Variants in ZC3H12B observed in about 807,000 individuals in gnomAD.
The protein encoded by ZC3H12B is zinc finger CCCH-type containing 12B, also known as probable ribonuclease ZC3H12B.
Under a neutral mutation model 43.9 loss-of-function variants are expected in ZC3H12B, and 7 were observed. The observed-to-expected ratio is 0.16, with a 90% CI of 0.09 to 0.30. The LOEUF is 0.30. Among genes scored for constraint, ZC3H12B ranks in the 10% least tolerant of loss-of-function variants. The pLI, the probability that ZC3H12B is intolerant of heterozygous loss-of-function variation, is 1.00. For synonymous variants in ZC3H12B, 222 were observed against 241.7 expected, an observed-to-expected ratio of 0.92 and a Z score of 0.76; for missense variants, 475 against 670.2, an observed-to-expected ratio of 0.71 and a Z score of 3.22.
At chrX:65,082,062 G>A in the ZC3H12B span, among the ~76,000 whole-genome samples, 1 of 111,893 alleles carries the variant, frequency 8.9e-6, no homozygotes, top group African/African-American at 3.2e-5. Flanking sequence ...ATTGAAAAAT[G>A]TCTTAAAACA....
At chrX:65,309,831 A>G in the ZC3H12B span, among the ~76,000 whole-genome samples, 3 of 112,259 alleles carry the variant, frequency 2.7e-5, no homozygotes, top group South Asian at 1.1e-3. Context: ...CCTGGGATAC[A>G]AACCTGGTTC....
chrX:65,250,408 G>A, the ZC3H12B span, among the ~76,000 whole-genome samples: 14 of 111,446 alleles, frequency 1.3e-4, no homozygotes, highest in South Asian at 1.9e-3. Context: ...CATGTGCATG[G>A]GTCTTTATAG....
chrX:65,152,769 T>G, the ZC3H12B span, among the ~76,000 whole-genome samples: 1 of 111,584 alleles, frequency 9.0e-6, no homozygotes, highest in Non-Finnish European at 1.9e-5. Context: ...GAGCCCGCAT[T>G]GCCAAGTCAA....
chrX:65,207,129 T>A, the ZC3H12B span, among the ~76,000 whole-genome samples: 2 of 109,518 alleles, frequency 1.8e-5, no homozygotes, highest in Admixed American at 2.0e-4. Flanking sequence ...AGTAGAACTA[T>A]CATTTGATCC....
rs1283691175 is a variant in ZC3H12B, at chrX:65,458,944, A to C, written n.408-29702A>C. On this transcript the variant is annotated intron_variant and non_coding_transcript_variant, in intron 3 of 5. Coordinates refer to the ZC3H12B transcript ENST00000617377. ...GAGCTGGTTTTTTGAAAAGATCAAC[A>C]AAATTGATAGACTGCTAGCAAGACT... Among the ~76,000 whole-genome samples the C allele has an allele frequency of 3.6e-5, 4 of 111,370 alleles. No individual in the cohort carries two copies. The East Asian group carries it at 1.1e-3, about 31-fold the overall frequency.
chrX:65,207,340 G>A, the ZC3H12B span, among the ~76,000 whole-genome samples: 5 of 109,290 alleles, frequency 4.6e-5, no homozygotes, highest in African/African-American at 9.9e-5. Context: ...GAAGCCACCC[G>A]GATGGAATTG....
chrX:65,184,881 C>G, the ZC3H12B span: 3 of 111,369 alleles, frequency 2.7e-5, no homozygotes, highest in African/African-American at 9.8e-5. Flanking sequence ...TTAATTGACA[C>G]CTAATAATTA....
chrX:65,457,620 G>C (rs1479715531), intron 3 of ZC3H12B, among the ~76,000 whole-genome samples: 1 of 80,015 alleles, frequency 1.2e-5, no homozygotes, highest in Non-Finnish European at 2.0e-5. Context: ...TTGTGGAATA[G>C]AAAGGCGGGA....
At chrX:65,250,810 T>G in the ZC3H12B span, among the ~76,000 whole-genome samples, 1 of 112,037 alleles carries the variant, frequency 8.9e-6, no homozygotes, top group East Asian at 2.8e-4. Flanking sequence ...TAAATTTGTT[T>G]GAGTTCTTTG....
At chrX:65,320,224 C>G in the ZC3H12B span, among the ~76,000 whole-genome samples, 6 of 111,715 alleles carry the variant, frequency 5.4e-5, no homozygotes, top group African/African-American at 1.6e-4. Flanking sequence ...GATCAGTGTA[C>G]AAAAATTACT....
At chrX:65,118,062 T>A in the ZC3H12B span, among the ~76,000 whole-genome samples, 10 of 111,739 alleles carry the variant, frequency 8.9e-5, no homozygotes, top group East Asian at 2.8e-3. Flanking sequence ...TTTGGTTCCA[T>A]ATGAGCTTTA....
the ZC3H12B span, among the ~76,000 whole-genome samples, chrX:65,055,044 A>C: frequency 1.8e-5 from 2 of 111,382 alleles, no homozygotes; most frequent in Non-Finnish European, 3.8e-5. Flanking sequence ...GGGACAATTT[A>C]ACTTCCTCTT....
At chrX:65,340,797 G>A in the ZC3H12B span, among the ~76,000 whole-genome samples, 342 of 112,491 alleles carry the variant, frequency 3.0e-3, 2 homozygotes, top group African/African-American at 0.01. Context: ...AAAAGCCAGA[G>A]TGCCTTCTTT....
the ZC3H12B span, among the ~76,000 whole-genome samples, chrX:65,159,807 G>A: frequency 6.3e-5 from 7 of 111,952 alleles, no homozygotes; most frequent in African/African-American, 2.3e-4. Context: ...ATGTGGAAGA[G>A]GAGTGGTGAG....
upstream of ZC3H12B, among the ~76,000 whole-genome samples, chrX:65,361,883 A>G (rs2066108158): frequency 1.8e-5 from 2 of 112,310 alleles, no homozygotes; most frequent in Admixed American, 1.9e-4. Flanking sequence ...CCTTGCCTCC[A>G]CTGCGAGACA....
the ZC3H12B span, among the ~76,000 whole-genome samples, chrX:65,111,476 A>G: frequency 9.0e-6 from 1 of 110,959 alleles, no homozygotes; most frequent in Admixed American, 9.6e-5. Flanking sequence ...ACTGAAGGAT[A>G]TATATATACT....
chrX:65,339,333 C>A, the ZC3H12B span, among the ~76,000 whole-genome samples: 1 of 111,725 alleles, frequency 9.0e-6, no homozygotes, highest in African/African-American at 3.3e-5. Flanking sequence ...TTCTGGCCCC[C>A]AATGACTTTG....
chrX:65,343,835 C>A, the ZC3H12B span, among the ~76,000 whole-genome samples: 2 of 111,287 alleles, frequency 1.8e-5, no homozygotes, highest in African/African-American at 6.5e-5. Context: ...ATCCATAAGG[C>A]AAGAGAAAGA....
the ZC3H12B span, among the ~76,000 whole-genome samples, chrX:65,345,841 G>C: frequency 8.1e-5 from 9 of 111,752 alleles, no homozygotes; most frequent in Admixed American, 2.9e-4. Flanking sequence ...GCTCAAGTGA[G>C]AGCCAAATCA....
Sources: allele counts gnomAD v4.1 joint callset (sites outside exome capture counted in the v4.1 genomes callset), GRCh38; gene constraint gnomAD v4.1.1; transcripts MANE v1.5; gene names NCBI Gene and HGNC (gene_info 2026-07-23, HGNC 2026-07-21).